Variants in PLA2G4A observed in about 807,000 individuals in gnomAD.
PLA2G4A encodes phospholipase A2 group IVA.
A neutral mutation model predicts 81.9 loss-of-function variants in PLA2G4A; 40 were observed. That is an observed-to-expected ratio of 0.49 (90% CI 0.38 to 0.64). The LOEUF (loss-of-function observed/expected upper bound fraction) is 0.64, where lower values mean the gene tolerates loss of function less well. Among genes scored for constraint, PLA2G4A ranks in the 30% least tolerant of loss-of-function variants. The pLI is 0.00. For missense variants in PLA2G4A, 715 were observed against 905.1 expected, an observed-to-expected ratio of 0.79 and a Z score of 2.69; for synonymous variants, 302 against 296.9, an observed-to-expected ratio of 1.02 and a Z score of -0.18.
intron 7 of PLA2G4A, among the ~76,000 whole-genome samples, chr1:186,912,762 A>G (rs1372680600): frequency 7.5e-6 from 1 of 133,772 alleles, no homozygotes; most frequent in Non-Finnish European, 1.5e-5. Context: ...ATATATATAC[A>G]TAAGTATATA....
Position 186,973,406 on chromosome 1 carries a change from G to A in PLA2G4A, c.1765-4187G>A, listed in dbSNP as rs75211878. Reference sequence around the variant, plus strand: ...GTCATTGAATTTAGGGCCCACCTACGTAATCCAAGATGATCTAATCTCAAA... The same window carrying A: ...GTCATTGAATTTAGGGCCCACCTACATAATCCAAGATGATCTAATCTCAAA... On this transcript the variant is annotated intron_variant, in intron 15 of 17. Coordinates refer to ENST00000367466, the MANE Select transcript of PLA2G4A (RefSeq NM_024420.3). 2.6e-3 allele frequency among the ~76,000 whole-genome samples: 398 copies of A among 152,154 alleles called. 1 individual carries two copies. The highest frequency in any genetic ancestry group is 9.2e-3 in the African/African-American group (382 of 41,514).
Position 186,965,460 on chromosome 1 carries a change from A to T in PLA2G4A, c.1631A>T (p.Lys544Met). ...IYEPLDVKSK[K>M]IHVVDSGLTF... ...GAGCCTCTGGATGTCAAAAGTAAAA[A>T]GATTCATGTAGTGGACAGTGGGCTC... The change falls in exon 15 of 18, where the codon AAG becomes ATG. Residue 544 changes from lysine to methionine, a missense_variant. Coordinates refer to ENST00000367466, the MANE Select transcript of PLA2G4A (RefSeq NM_024420.3). 6.2e-7 allele frequency: 1 copy of T among 1,611,912 alleles called. No homozygotes were observed. The highest frequency in any genetic ancestry group is 1.1e-5 in the South Asian group (1 of 91,044).
At chr1:186,926,443 A>G (rs1290507404) in intron 7 of PLA2G4A, among the ~76,000 whole-genome samples, 1 of 152,194 alleles carries the variant, frequency 6.6e-6, no homozygotes, top group East Asian at 1.9e-4. Context: ...TAATCAGCTT[A>G]GAAGTTATCA....
chr1:186,942,562 C>T lies in PLA2G4A; in HGVS notation c.1033+2468C>T, dbSNP rs974368807. Among the ~76,000 whole-genome samples, 4 of 151,830 alleles carry T rather than the reference C, an allele frequency of 2.6e-5. No individual in the cohort carries two copies. The East Asian group carries it at 5.8e-4, about 22-fold the overall frequency. On this transcript the variant is annotated intron_variant, in intron 10 of 17. Coordinates refer to ENST00000367466, the MANE Select transcript of PLA2G4A (RefSeq NM_024420.3). ...AATATGCATAAGATGAGACTGAAAA[C>T]TATAAAGAGGCATACAAATATAAAA...
rs1242084348 is a variant in PLA2G4A, at chr1:186,857,054, C to T, written c.33+2667C>T. ...ACTGCCATGCAGCCCCCACATGTGT[C>T]TGCCATGCAGCCCCCACATATATTA... On this transcript the variant is annotated intron_variant, in intron 2 of 17. Transcript: ENST00000367466. Among the ~76,000 whole-genome samples the T allele has an allele frequency of 1.1e-4, 3 of 28,008 alleles. 1 individual carries two copies. The highest frequency in any genetic ancestry group is 8.4e-4 in the African/African-American group (3 of 3,560). 18.4% of individuals were successfully genotyped at this position (28,008 alleles called of 152,430 possible). A position where few individuals can be genotyped will look rare whatever the true frequency, so the allele number is the denominator to read the frequency against.
intron 1 of PLA2G4A, among the ~76,000 whole-genome samples, chr1:186,837,546 G>T (rs1161116693): frequency 6.0e-5 from 9 of 150,656 alleles, no homozygotes; most frequent in African/African-American, 2.2e-4. Context: ...TGGCTCACAC[G>T]GTGAAACCCC....
intron 16 of PLA2G4A, among the ~76,000 whole-genome samples, chr1:186,978,039 A>C (rs946131886): frequency 6.6e-6 from 1 of 152,236 alleles, no homozygotes; most frequent in African/African-American, 2.4e-5. Context: ...CTGGGACTTT[A>C]CTTCAATACT....
intron 7 of PLA2G4A, among the ~76,000 whole-genome samples, chr1:186,924,810 G>C (rs1399556164): frequency 6.6e-6 from 1 of 152,168 alleles, no homozygotes; most frequent in Non-Finnish European, 1.5e-5. Context: ...GCTCTCACCT[G>C]TAATCCCAGC....
chr1:186,927,752 T>A (rs1443442949), intron 7 of PLA2G4A, among the ~76,000 whole-genome samples: 1 of 152,218 alleles, frequency 6.6e-6, no homozygotes, highest in Admixed American at 6.5e-5. Flanking sequence ...AGTGAAAGTC[T>A]AGAGAAAGAC....
intron 7 of PLA2G4A, among the ~76,000 whole-genome samples, chr1:186,916,746 T>C (rs1259336266): frequency 6.6e-6 from 1 of 152,202 alleles, no homozygotes; most frequent in Non-Finnish European, 1.5e-5. Flanking sequence ...ATGTTCCTTT[T>C]AAAGTTCCTA....
rs12720671 is a variant in PLA2G4A, at chr1:186,972,574, T to C, written c.1765-5019T>C. 4.6e-5 allele frequency among the ~76,000 whole-genome samples: 7 copies of C among 152,318 alleles called. No homozygotes were observed. The South Asian group carries it at 1.4e-3, about 32-fold the overall frequency. On this transcript the variant is annotated intron_variant, in intron 15 of 17. Coordinates refer to ENST00000367466, the MANE Select transcript of PLA2G4A (RefSeq NM_024420.3). ...TTTAGGGAGAGTGATAGATTTTAGT[T>C]ATTATGCCATAAATTAAGTTATATT... is the stretch of plus-strand genomic sequence containing the variant.
At chr1:186,949,590 C>T (rs563920786) in intron 12 of PLA2G4A, among the ~76,000 whole-genome samples, 3 of 152,144 alleles carry the variant, frequency 2.0e-5, no homozygotes, top group African/African-American at 7.2e-5. Context: ...ATAATATTAG[C>T]TTGTGAACAT....
rs192905838 is a variant in PLA2G4A, at chr1:186,953,539, T to C, written c.1337-2563T>C. ...TTATCCTTTTATTCTCTTGAGGCTC[T>C]TTCATGTTTAGTCATATGATTTTGA... On this transcript the variant is annotated intron_variant, in intron 13 of 17. Transcript: ENST00000367466. Among the ~76,000 whole-genome samples, 243 of 152,296 alleles carry C rather than the reference T, an allele frequency of 1.6e-3. No homozygotes were observed. The Middle Eastern group carries it at 0.027, about 17-fold the overall frequency.
chr1:186,948,946 T>C (rs1656437127), intron 12 of PLA2G4A, among the ~76,000 whole-genome samples: 1 of 152,168 alleles, frequency 6.6e-6, no homozygotes, highest in Non-Finnish European at 1.5e-5. Flanking sequence ...TTTGGCTGAC[T>C]GAAGTCTATC....
chr1:186,937,393 TA>T (rs1395371701), intron 8 of PLA2G4A, among the ~76,000 whole-genome samples: 3 of 151,964 alleles, frequency 2.0e-5, no homozygotes, highest in Non-Finnish European at 4.4e-5. Flanking sequence ...GACTTTGGAA[TA>T]ACTATAGGAA....
Position 186,946,885 on chromosome 1 carries a change from C to T in PLA2G4A, c.1188C>T (p.Ala396=). ...LHFLMGVWGS[A]FSILFNRVLG... ...TTATTTTAGGTGTCTGGGGCAGTGC[C>T]TTTTCCATATTGTTCAACAGAGTTT... The change falls in exon 12 of 18, where the codon GCC becomes GCT. Residue 396 remains alanine (A), a synonymous_variant. Transcript: ENST00000367466. 1 of 1,612,032 alleles carries T rather than the reference C, an allele frequency of 6.2e-7. No individual in the cohort carries two copies. The highest frequency in any genetic ancestry group is 1.3e-5 in the African/African-American group (1 of 74,956).
At chr1:186,912,228 AT>A (rs1199210956) in intron 7 of PLA2G4A, among the ~76,000 whole-genome samples, 1 of 152,162 alleles carries the variant, frequency 6.6e-6, no homozygotes, top group African/African-American at 2.4e-5. Flanking sequence ...AATAAAGAAA[AT>A]TAACCATTAT....
intron 2 of PLA2G4A, among the ~76,000 whole-genome samples, chr1:186,868,745 G>C (rs61810971): frequency 1.3e-5 from 2 of 151,872 alleles, no homozygotes; most frequent in Non-Finnish European, 2.9e-5. Context: ...TTCTTCTTAT[G>C]TAAATTTTGG....
rs12129429 is a variant in PLA2G4A, at chr1:186,914,069, C to T, written c.558+2680C>T. ...AAAGAGAGGCTTCTCTTCAATCCTG[C>T]ATCTTTTGTTTTGTTTTGTTTTTTT... is the stretch of plus-strand genomic sequence containing the variant. On this transcript the variant is annotated intron_variant, in intron 7 of 17. Coordinates refer to ENST00000367466, the MANE Select transcript of PLA2G4A (RefSeq NM_024420.3). Among the ~76,000 whole-genome samples the T allele has an allele frequency of 3.3e-3, 492 of 148,674 alleles. 3 individuals are homozygous for T. Among genetic ancestry groups the T allele is most frequent in the Middle Eastern group, 6.8e-3 (2 of 294 alleles).
Sources: gnomAD v4.1 joint callset for allele counts (sites outside exome capture counted in the v4.1 genomes callset) on GRCh38, gnomAD v4.1.1 for gene constraint, MANE v1.5 for transcripts, NCBI Gene and HGNC (gene_info 2026-07-23, HGNC 2026-07-21) for gene names.